Variants in PSMG2 observed in about 807,000 individuals in gnomAD.
The protein encoded by PSMG2 is CD40 ligand-activated specific transcript 3.
Under a neutral mutation model 31.5 loss-of-function variants are expected in PSMG2, and 21 were observed. That is an observed-to-expected ratio of 0.67 (90% CI 0.47 to 0.96). PSMG2 has a LOEUF of 0.96. Ranked by LOEUF, PSMG2 falls within the 40% of genes least tolerant of loss-of-function variation. The probability of loss-of-function intolerance (pLI) is 0.00; values close to 1 mark genes in which losing one functional copy is unlikely to be tolerated. For missense variants in PSMG2, 318 were observed against 321.2 expected (o/e 0.99, Z 0.08); for synonymous variants, 120 against 110.4 (o/e 1.09, Z -0.54).
intron 1 of PSMG2, chr18:12,684,201 C>T (rs1364819311): frequency 6.6e-6 from 1 of 152,094 alleles, no homozygotes; most frequent in Non-Finnish European, 1.5e-5. Flanking sequence ...GATCTCCTGA[C>T]CGTGTGATCC....
At chr18:12,660,946 A>T (rs2038684671) in intron 1 of PSMG2, among the ~76,000 whole-genome samples, 1 of 152,254 alleles carries the variant, frequency 6.6e-6, no homozygotes. Context: ...CAACATGAAC[A>T]CTTGACTCTT....
chr18:12,709,907 A>G (rs969316858), intron 2 of PSMG2, among the ~76,000 whole-genome samples: 6 of 151,232 alleles, frequency 4.0e-5, no homozygotes, highest in Admixed American at 2.0e-4. Context: ...AAGTGCCGGA[A>G]TTACAGGTAT....
chr18:12,677,347 A>C (rs2039174563), intron 1 of PSMG2, among the ~76,000 whole-genome samples: 1 of 150,490 alleles, frequency 6.6e-6, no homozygotes, highest in East Asian at 2.0e-4. Context: ...CTGAGGCAGG[A>C]GAATTGCTTA....
At chr18:12,701,361 G>A (rs2040144114), upstream of PSMG2, among the ~76,000 whole-genome samples, 1 of 152,100 alleles carries the variant, frequency 6.6e-6, no homozygotes, top group South Asian at 2.1e-4. Flanking sequence ...CTTCTGAGAG[G>A]GAGTATAGTA....
intron 2 of PSMG2, among the ~76,000 whole-genome samples, chr18:12,708,979 T>G (rs750361481): frequency 5.3e-5 from 8 of 152,080 alleles, no homozygotes; most frequent in Non-Finnish European, 1.0e-4. Flanking sequence ...CCCAAAGTGC[T>G]GGGATTACAG....
chr18:12,679,584 A>G (rs915432566), intron 1 of PSMG2, among the ~76,000 whole-genome samples: 65 of 152,218 alleles, frequency 4.3e-4, no homozygotes, highest in African/African-American at 1.5e-3. Flanking sequence ...TCTTAGCTGA[A>G]CTAAGGAAGA....
At position 12,706,571 on chromosome 18, in the gene PSMG2, G is replaced by T; in HGVS notation, c.79G>T (p.Val27Phe). ...TCAGCCAGCAGTATCTGTTGGAAAT[G>T]TTGGCCAGCTTGCAATGGATCTGAT... ...LLMPAVSVGN[V>F]GQLAMDLIIS... is the part of the protein sequence containing the mutation. Residue 27 changes from valine (V) to phenylalanine (F), a missense_variant, in exon 2 of 7, where the codon GTT becomes TTT. Coordinates refer to ENST00000317615, the MANE Select transcript of PSMG2 (RefSeq NM_020232.5). 1 of 1,613,974 alleles carries T rather than the reference G, an allele frequency of 6.2e-7. No homozygotes were observed. Among genetic ancestry groups the T allele is most frequent in the Non-Finnish European group, 8.5e-7 (1 of 1,179,998 alleles).
chr18:12,680,813 G>C (rs1471417049), intron 1 of PSMG2: 1 of 1,609,378 alleles, frequency 6.2e-7, no homozygotes. Flanking sequence ...AGGTTAGCGT[G>C]ATCTTCACAG....
At chr18:12,705,758 C>T (rs564756896) in intron 1 of PSMG2, among the ~76,000 whole-genome samples, 1 of 152,158 alleles carries the variant, frequency 6.6e-6, no homozygotes, top group South Asian at 2.1e-4. Flanking sequence ...GATCTCTGTA[C>T]GGCTGTCTCC....
chr18:12,693,407 G>T lies in PSMG2; in HGVS notation c.-36-13143G>T, dbSNP rs551813350. ...CCACTGCACTCAAGCCTGAGAGAGTGAGATGCTGTCTCTAAAAAAATAAAA... is the reference window on the plus strand; with the variant it reads ...CCACTGCACTCAAGCCTGAGAGAGTTAGATGCTGTCTCTAAAAAAATAAAA... On this transcript the variant is annotated intron_variant, in intron 1 of 6. Coordinates refer to the PSMG2 transcript ENST00000585331. 3.3e-5 allele frequency among the ~76,000 whole-genome samples: 5 copies of T among 151,818 alleles called. No individual in the cohort carries two copies. In the South Asian group the frequency reaches 8.3e-4, roughly 25 times the overall value.
chr18:12,710,343 G>A (rs1030213821), intron 2 of PSMG2, among the ~76,000 whole-genome samples: 6 of 152,080 alleles, frequency 3.9e-5, no homozygotes, highest in Admixed American at 3.9e-4. Flanking sequence ...CTGTGATAGG[G>A]GCACTTAATG....
At chr18:12,699,555 AATTAT>A (rs1220246046), upstream of PSMG2, among the ~76,000 whole-genome samples, 1 of 152,196 alleles carries the variant, frequency 6.6e-6, no homozygotes, top group African/African-American at 2.4e-5. Flanking sequence ...TGTATTTGTC[AATTAT>A]ATTAATATTT....
At chr18:12,699,220 T>C (rs1480358913), upstream of PSMG2, 2 of 1,527,302 alleles carry the variant, frequency 1.3e-6, no homozygotes, top group East Asian at 2.3e-5. Flanking sequence ...AGTGTAGCAA[T>C]ATATATGAGG....
chr18:12,686,904 C>T (rs1376526904), intron 1 of PSMG2, among the ~76,000 whole-genome samples: 1 of 152,072 alleles, frequency 6.6e-6, no homozygotes, highest in Non-Finnish European at 1.5e-5. Flanking sequence ...TAGTTTGTTT[C>T]CATTAGGGCC....
At position 12,725,542 on chromosome 18, in the gene PSMG2, G is replaced by T; in HGVS notation, c.*11G>T. 6.4e-7 allele frequency: 1 copy of T among 1,553,806 alleles called. No homozygotes were observed. Among genetic ancestry groups the T allele is most frequent in the Non-Finnish European group, 8.9e-7 (1 of 1,128,042 alleles). On this transcript the variant is annotated 3_prime_UTR_variant, in exon 7 of 7. Coordinates refer to ENST00000317615, the MANE Select transcript of PSMG2 (RefSeq NM_020232.5). ...CCTGCACTTTTCTGATCTAATTTCT[G>T]TTTTATACCTTATACCCAAAACACT...
intron 1 of PSMG2, among the ~76,000 whole-genome samples, chr18:12,697,733 CA>C (rs1434438549): frequency 6.6e-6 from 1 of 152,156 alleles, no homozygotes; most frequent in Non-Finnish European, 1.5e-5. Context: ...TCAAGTATGT[CA>C]ATATTAATCC....
intron 1 of PSMG2, among the ~76,000 whole-genome samples, chr18:12,696,367 G>A (rs2145094518): frequency 6.6e-6 from 1 of 152,198 alleles, no homozygotes; most frequent in East Asian, 1.9e-4. Context: ...GCTGGGTGTG[G>A]TGGTGCATGC....
At chr18:12,667,016 ACG>A (rs1470631553) in intron 1 of PSMG2, among the ~76,000 whole-genome samples, 1 of 152,158 alleles carries the variant, frequency 6.6e-6, no homozygotes, top group East Asian at 1.9e-4. Context: ...TAAGATGTAT[ACG>A]GAAAACAACA....
At chr18:12,713,081 G>A (rs540019693) in intron 3 of PSMG2, among the ~76,000 whole-genome samples, 3 of 152,270 alleles carry the variant, frequency 2.0e-5, no homozygotes, top group South Asian at 4.1e-4. Context: ...TATAAACTAT[G>A]TATATATCAA....
Sources: gnomAD v4.1 joint callset for allele counts (sites outside exome capture counted in the v4.1 genomes callset) on GRCh38, gnomAD v4.1.1 for gene constraint, MANE v1.5 for transcripts, NCBI Gene and HGNC (gene_info 2026-07-23, HGNC 2026-07-21) for gene names.